The following CCSER1 variants were observed in gnomAD, a reference collection of about 807,000 sequenced individuals.
The protein encoded by CCSER1 is serine-rich coiled-coil domain-containing protein 1.
Under a neutral mutation model 82.0 loss-of-function variants are expected in CCSER1, and 41 were observed. That is an observed-to-expected ratio of 0.50 (90% CI 0.39 to 0.65). The LOEUF (loss-of-function observed/expected upper bound fraction) is 0.65. Among genes scored for constraint, CCSER1 ranks in the 30% least tolerant of loss-of-function variants. The probability of loss-of-function intolerance (pLI) is 0.00; values close to 1 mark genes in which losing one functional copy is unlikely to be tolerated. For synonymous variants in CCSER1, 414 were observed against 383.9 expected (o/e 1.08, Z -0.92); for missense variants, 1,119 against 1,064.2 (o/e 1.05, Z -0.72).
At chr4:91,103,212 T>G (rs2148855256) in intron 10 of CCSER1, among the ~76,000 whole-genome samples, 1 of 152,248 alleles carries the variant, frequency 6.6e-6, no homozygotes, top group Non-Finnish European at 1.5e-5. Flanking sequence ...ATTAGGTCCA[T>G]TCTCTGTTCA....
At chr4:90,262,003 AT>A (rs537734880) in intron 1 of CCSER1, among the ~76,000 whole-genome samples, 1 of 151,798 alleles carries the variant, frequency 6.6e-6, no homozygotes, top group Non-Finnish European at 1.5e-5. Context: ...TATATATTGA[AT>A]TTTTTTTAAA....
chr4:91,446,892 C>A (rs1755601660), intron 10 of CCSER1, among the ~76,000 whole-genome samples: 1 of 151,866 alleles, frequency 6.6e-6, no homozygotes, highest in Non-Finnish European at 1.5e-5. Context: ...TGAATTTCTT[C>A]TTGAATTCGG....
At chr4:91,118,450 T>C (rs1726819072) in intron 10 of CCSER1, among the ~76,000 whole-genome samples, 1 of 151,948 alleles carries the variant, frequency 6.6e-6, no homozygotes, top group South Asian at 2.1e-4. Context: ...AATTTTTAAA[T>C]TTTCTGTGGA....
At chr4:90,629,330 T>C (rs541604727) in intron 6 of CCSER1, among the ~76,000 whole-genome samples, 11 of 152,212 alleles carry the variant, frequency 7.2e-5, no homozygotes, top group African/African-American at 2.6e-4. Context: ...TGAGGCTAGG[T>C]AATTTATAAA....
intron 9 of CCSER1, among the ~76,000 whole-genome samples, chr4:90,929,246 A>G (rs1325738772): frequency 6.6e-6 from 1 of 152,184 alleles, no homozygotes; most frequent in African/African-American, 2.4e-5. Context: ...AAATTAACTA[A>G]AAGCCACTAA....
intron 5 of CCSER1, among the ~76,000 whole-genome samples, chr4:90,597,956 T>G (rs1231536029): frequency 6.6e-6 from 1 of 152,168 alleles, no homozygotes; most frequent in East Asian, 1.9e-4. Flanking sequence ...CCATGTTGTG[T>G]CAAATGGCAG....
At chr4:91,086,692 T>C (rs1723432803) in intron 10 of CCSER1, among the ~76,000 whole-genome samples, 1 of 152,084 alleles carries the variant, frequency 6.6e-6, no homozygotes, top group South Asian at 2.1e-4. Flanking sequence ...TTTTGTTCTA[T>C]ACAAATGAGG....
At chr4:91,124,548 C>T (rs918118671) in intron 10 of CCSER1, among the ~76,000 whole-genome samples, 6 of 151,796 alleles carry the variant, frequency 4.0e-5, no homozygotes, top group Non-Finnish European at 7.4e-5. Context: ...TTAGCTGCTG[C>T]TTCTCTGTGT....
chr4:90,794,137 C>A (rs1017827080), intron 7 of CCSER1, among the ~76,000 whole-genome samples: 1 of 152,114 alleles, frequency 6.6e-6, no homozygotes, highest in East Asian at 1.9e-4. Context: ...TTGATACTTT[C>A]TTTTACTATG....
chr4:90,698,662 G>A (rs1737437257), intron 6 of CCSER1, among the ~76,000 whole-genome samples: 1 of 152,144 alleles, frequency 6.6e-6, no homozygotes, highest in Non-Finnish European at 1.5e-5. Context: ...GGGACATGTT[G>A]GCAGGAAGTT....
intron 10 of CCSER1, among the ~76,000 whole-genome samples, chr4:91,335,884 T>G (rs1747292278): frequency 6.6e-6 from 1 of 152,100 alleles, no homozygotes; most frequent in African/African-American, 2.4e-5. Context: ...TAATTTGAGT[T>G]TTGTATACAT....
chr4:90,725,938 G>T (rs1743557717), intron 7 of CCSER1, among the ~76,000 whole-genome samples: 1 of 151,930 alleles, frequency 6.6e-6, no homozygotes, highest in Non-Finnish European at 1.5e-5. Flanking sequence ...CCCCATGAAT[G>T]TGACATGATA....
intron 3 of CCSER1, among the ~76,000 whole-genome samples, chr4:90,316,477 A>C (rs1736187071): frequency 6.6e-6 from 1 of 152,220 alleles, no homozygotes; most frequent in East Asian, 1.9e-4. Flanking sequence ...TTAGTGCTTA[A>C]TCTGAACTTA....
At chr4:91,088,215 T>A (rs946614867) in intron 10 of CCSER1, among the ~76,000 whole-genome samples, 3 of 152,130 alleles carry the variant, frequency 2.0e-5, no homozygotes, top group African/African-American at 7.2e-5. Flanking sequence ...TGACAATAAT[T>A]GTTTATTATG....
At chr4:90,781,178 T>C (rs1753726688) in intron 7 of CCSER1, 1 of 760,588 alleles carries the variant, frequency 1.3e-6, no homozygotes, top group Admixed American at 6.3e-5. Context: ...CCTCCAGCAC[T>C]GGGGATCACA....
chr4:90,417,315 A>G (rs1384980096), intron 4 of CCSER1, among the ~76,000 whole-genome samples: 1 of 152,120 alleles, frequency 6.6e-6, no homozygotes, highest in East Asian at 1.9e-4. Flanking sequence ...TATTTAAAAT[A>G]GAAATTTATT....
At chr4:91,510,823 C>G (rs904215515) in intron 10 of CCSER1, among the ~76,000 whole-genome samples, 1 of 152,130 alleles carries the variant, frequency 6.6e-6, no homozygotes, top group African/African-American at 2.4e-5. Context: ...TTAATTAGGT[C>G]CCACAGGTCA....
At chr4:90,870,159 C>A (rs1006709929) in intron 8 of CCSER1, among the ~76,000 whole-genome samples, 3 of 151,486 alleles carry the variant, frequency 2.0e-5, no homozygotes, top group Non-Finnish European at 4.4e-5. Context: ...TTGACTTCTT[C>A]ATTTCCAATT....
chr4:90,402,388 T>C (rs1025459676), intron 4 of CCSER1, among the ~76,000 whole-genome samples: 35 of 152,336 alleles, frequency 2.3e-4, no homozygotes, highest in African/African-American at 7.5e-4. Context: ...GTTGAAATGG[T>C]ATTTTGTTTT....
Sources: allele counts gnomAD v4.1 joint callset (sites outside exome capture counted in the v4.1 genomes callset), GRCh38; gene constraint gnomAD v4.1.1; transcripts MANE v1.5; gene names NCBI Gene and HGNC (gene_info 2026-07-23, HGNC 2026-07-21).